Variants in HERC1 observed in about 807,000 individuals in gnomAD.
The protein encoded by HERC1 is probable E3 ubiquitin-protein ligase HERC1.
HERC1 carries 160 observed loss-of-function variants against 554.3 expected under a neutral mutation model. The ratio of observed to expected loss-of-function variants is 0.29; its 90% CI spans 0.25 to 0.33. The LOEUF (loss-of-function observed/expected upper bound fraction) is 0.33, where lower values mean the gene tolerates loss of function less well. Among genes scored for constraint, HERC1 ranks in the 10% least tolerant of loss-of-function variants. The pLI, the probability that HERC1 is intolerant of heterozygous loss-of-function variation, is 1.00. For synonymous variants in HERC1, 2,175 were observed against 2,131.7 expected (o/e 1.02, Z -0.56); for missense variants, 4,919 against 5,918.5 (o/e 0.83, Z 5.54).
chr15:63,614,818 A>G (rs553198514), intron 76 of HERC1, among the ~76,000 whole-genome samples: 2 of 152,260 alleles, frequency 1.3e-5, no homozygotes, highest in Non-Finnish European at 2.9e-5. Flanking sequence ...AGGATAACTC[A>G]AATGAAATAG....
intron 2 of HERC1, among the ~76,000 whole-genome samples, chr15:63,765,573 A>T (rs761587795): frequency 2.0e-5 from 3 of 152,162 alleles, no homozygotes; most frequent in Non-Finnish European, 2.9e-5. Flanking sequence ...TCTGCATGAT[A>T]AAACCTACCT....
chr15:63,830,213 A>C (rs1422857265), intron 1 of HERC1, among the ~76,000 whole-genome samples: 1 of 152,262 alleles, frequency 6.6e-6, no homozygotes, highest in Non-Finnish European at 1.5e-5. Context: ...TGTGAAGAAT[A>C]CCGCTAAGGG....
intron 6 of HERC1, 93 bp from the exon 7 acceptor site, chr15:63,754,741 A>C: frequency 8.0e-7 from 1 of 1,256,572 alleles, no homozygotes; most frequent in Non-Finnish European, 1.1e-6. Flanking sequence ...TACAACTTTA[A>C]AATAGAATTG....
intron 44 of HERC1, 106 bp downstream of exon 44, chr15:63,662,878 G>C (rs1428196340): frequency 2.6e-6 from 2 of 780,510 alleles, no homozygotes; most frequent in Non-Finnish European, 4.1e-6. Context: ...TGAGATAAAA[G>C]ACTTTTTAGA....
chr15:63,719,517 A>G (rs1434306913), intron 19 of HERC1, among the ~76,000 whole-genome samples: 1 of 152,270 alleles, frequency 6.6e-6, no homozygotes, highest in East Asian at 1.9e-4. Flanking sequence ...GCAGCATTAG[A>G]AGGCTTTGAA....
chr15:63,742,096 A>G (rs2074835381), intron 12 of HERC1, among the ~76,000 whole-genome samples: 1 of 152,220 alleles, frequency 6.6e-6, no homozygotes, highest in Admixed American at 6.5e-5. Context: ...TCTTCACAAT[A>G]TTAAGTCTTG....
intron 34 of HERC1, among the ~76,000 whole-genome samples, chr15:63,683,723 A>T (rs2071601200): frequency 6.6e-6 from 1 of 152,206 alleles, no homozygotes. Context: ...AACAGAGCTC[A>T]CTGTGGCTTC....
intron 1 of HERC1, among the ~76,000 whole-genome samples, chr15:63,803,357 G>A (rs1179158586): frequency 6.6e-6 from 1 of 152,100 alleles, no homozygotes; most frequent in African/African-American, 2.4e-5. Context: ...AGTCTGCCAG[G>A]TGACCCCTTA....
At chr15:63,732,733 T>A (rs1435797009) in intron 14 of HERC1, among the ~76,000 whole-genome samples, 191 bp downstream of exon 14, 3 of 152,206 alleles carry the variant, frequency 2.0e-5, no homozygotes, top group African/African-American at 7.2e-5. Context: ...CTAAAATAAA[T>A]CCCTTTGAAA....
At chr15:63,829,124 T>C (rs148454377) in intron 1 of HERC1, among the ~76,000 whole-genome samples, 24 of 152,120 alleles carry the variant, frequency 1.6e-4, no homozygotes, top group South Asian at 1.2e-3. Context: ...GTTTTAAATA[T>C]ATATAGAATA....
rs141939707 is a variant in HERC1 at position 63,792,288 on chromosome 15, T to C, written c.-26-16639A>G. 1.1e-3 allele frequency among the ~76,000 whole-genome samples: 174 copies of C among 152,214 alleles called. 1 individual carries two copies. The highest frequency in any genetic ancestry group is 4.0e-3 in the African/African-American group (165 of 41,546). ...AAAATAAGGGATTTGAATAAAATAA[T>C]CTCCGAAGTCCTTTCCACTTCTAAA... On this transcript the variant is annotated intron_variant, in intron 1 of 77. Transcript: ENST00000443617.
rs1276243687 is a variant in HERC1 at position 63,749,818 on chromosome 15, A to G, written c.1903-27T>C. ...TGAAAAAAACAGAAATACGTTACACATAACTTCCTGAGATGATTAGATTGT... is the reference window on the plus strand; with the variant it reads ...TGAAAAAAACAGAAATACGTTACACGTAACTTCCTGAGATGATTAGATTGT... On this transcript the variant is annotated intron_variant, in intron 8 of 77. Coordinates refer to ENST00000443617, the MANE Select transcript of HERC1 (RefSeq NM_003922.4). The surrounding 1 kb of genome is among the most constrained non-coding windows in gnomAD (Gnocchi z 4.1). 13 of 1,514,942 alleles carry G rather than the reference A, an allele frequency of 8.6e-6. 1 individual carries two copies. The highest frequency in any genetic ancestry group is 4.9e-5 in the East Asian group (2 of 40,754). 93.8% of individuals were successfully genotyped at this position (1,514,942 alleles called of 1,614,324 possible).
At chr15:63,676,712 T>C (rs1283176915) in intron 37 of HERC1, among the ~76,000 whole-genome samples, 5 of 152,280 alleles carry the variant, frequency 3.3e-5, no homozygotes, top group Admixed American at 6.5e-5. Context: ...GCCAAGATCA[T>C]GCCATTGCCC....
intron 1 of HERC1, among the ~76,000 whole-genome samples, chr15:63,782,355 A>G (rs1323200202): frequency 6.6e-6 from 1 of 152,228 alleles, no homozygotes; most frequent in Non-Finnish European, 1.5e-5. Context: ...AGGGCACCTA[A>G]GAATTATTAT....
Position 63,669,754 on chromosome 15 carries a change from C to T in HERC1, c.8046-56G>A, listed in dbSNP as rs533083890. The T allele has an allele frequency of 6.5e-4, 969 of 1,484,060 alleles. 20 individuals are homozygous for T. In the South Asian group the frequency reaches 0.011, roughly 16 times the overall value. 91.9% of individuals were successfully genotyped at this position (1,484,060 alleles called of 1,614,324 possible). A position where few individuals can be genotyped will look rare whatever the true frequency, so the allele number is the denominator to read the frequency against. The stretch of plus-strand genomic sequence containing the variant: ...AATCCAATTTACGAAATAATACATA[C>T]ATCACAATCTTCTTATAGAAGAATA... On this transcript the variant is annotated intron_variant, in intron 39 of 77. Coordinates refer to ENST00000443617, the MANE Select transcript of HERC1 (RefSeq NM_003922.4).
chr15:63,634,436 GT>G (rs2068694145), intron 66 of HERC1, among the ~76,000 whole-genome samples: 1 of 152,158 alleles, frequency 6.6e-6, no homozygotes, highest in Admixed American at 6.5e-5. Flanking sequence ...ACTAGTATCT[GT>G]ATTTTTTAAG....
rs746891901 is a variant in HERC1 at position 63,775,041 on chromosome 15, T to C, written c.583A>G (p.Thr195Ala). 2 of 1,613,988 alleles carry C rather than the reference T, an allele frequency of 1.2e-6. No homozygotes were observed. ...GLSLCNDVIHTAIEVVSSLPP... is the reference protein window; with the variant it reads ...GLSLCNDVIHAAIEVVSSLPP... ...AAAGAGCTCACAACTTCAATTGCAGTATGAATGACATCGTTGCAAAGACTG... is the reference window on the plus strand; with the variant it reads ...AAAGAGCTCACAACTTCAATTGCAGCATGAATGACATCGTTGCAAAGACTG... Residue 195 changes from threonine (T) to alanine (A), a missense_variant, in exon 2 of 78, where the codon ACT becomes GCT. Thr to Ala is a moderately conservative substitution (Grantham distance 58). This residue lies in a region of HERC1 where 744 missense variants were observed against 1,090.0 expected (regional missense o/e 0.68). Transcript: ENST00000443617. This position sits in a 1 kb window ranked among gnomAD's most constrained non-coding sequence, Gnocchi z 4.0.
At chr15:63,707,249 C>T (rs931551496) in intron 24 of HERC1, among the ~76,000 whole-genome samples, 41 of 152,144 alleles carry the variant, frequency 2.7e-4, no homozygotes, top group Non-Finnish European at 2.9e-4. Context: ...CACTAGCCTT[C>T]GCTAGGTGTT....
chr15:63,821,916 C>G (rs1328118009), intron 1 of HERC1, among the ~76,000 whole-genome samples: 1 of 151,824 alleles, frequency 6.6e-6, no homozygotes, highest in African/African-American at 2.4e-5. Flanking sequence ...CAAATAATAA[C>G]CAGGTAGGCA....
Sources: allele counts gnomAD v4.1 joint callset (sites outside exome capture counted in the v4.1 genomes callset), GRCh38; gene constraint gnomAD v4.1.1; regional missense constraint gnomAD v4.1.1; non-coding constraint Gnocchi (gnomAD v3.1); transcripts MANE v1.5; gene names NCBI Gene and HGNC (gene_info 2026-07-23, HGNC 2026-07-21).